POU2F1: variants seen among roughly 807,000 people sequenced by gnomAD.
POU2F1 encodes POU domain, class 2, transcription factor 1.
Under a neutral mutation model 84.9 loss-of-function variants are expected in POU2F1, and 16 were observed. That is an observed-to-expected ratio of 0.19 (90% confidence interval 0.13 to 0.29). The LOEUF is 0.29. Among genes scored for constraint, POU2F1 ranks in the 10% least tolerant of loss-of-function variants. The pLI, the probability that POU2F1 is intolerant of heterozygous loss-of-function variation, is 1.00. For synonymous variants in POU2F1, 368 were observed against 368.3 expected, an observed-to-expected ratio of 1.00 and a Z score of 0.01; for missense variants, 738 against 942.6, an observed-to-expected ratio of 0.78 and a Z score of 2.84.
At chr1:167,348,960 T>C (rs896936119) in intron 2 of POU2F1, among the ~76,000 whole-genome samples, 1 of 152,204 alleles carries the variant, frequency 6.6e-6, no homozygotes, top group African/African-American at 2.4e-5. Flanking sequence ...TCTTATTTTT[T>C]TTAATAGTGC....
At chr1:167,367,775 T>A (rs2101835692) in intron 3 of POU2F1, among the ~76,000 whole-genome samples, 1 of 152,260 alleles carries the variant, frequency 6.6e-6, no homozygotes, top group African/African-American at 2.4e-5. Context: ...TGTGTATATG[T>A]ATGTATGTAC....
At chr1:167,378,915 G>A (rs1571403697) in intron 7 of POU2F1, among the ~76,000 whole-genome samples, 1 of 151,076 alleles carries the variant, frequency 6.6e-6, no homozygotes, top group South Asian at 2.1e-4. Context: ...ACCACACCCA[G>A]CTAATTTTGA....
At chr1:167,270,162 A>T (rs1186675155) in intron 1 of POU2F1, among the ~76,000 whole-genome samples, 2 of 152,212 alleles carry the variant, frequency 1.3e-5, no homozygotes, top group East Asian at 1.9e-4. Flanking sequence ...TGAAAATTTC[A>T]TGAGGAAATT....
chr1:167,268,006 A>G (rs1307917717), intron 1 of POU2F1, among the ~76,000 whole-genome samples: 1 of 151,980 alleles, frequency 6.6e-6, no homozygotes, highest in East Asian at 1.9e-4. Flanking sequence ...ATCTGTGTTT[A>G]CCCTGCAGGT....
chr1:167,328,052 C>T (rs969779079), intron 1 of POU2F1, among the ~76,000 whole-genome samples: 3 of 152,048 alleles, frequency 2.0e-5, no homozygotes, highest in African/African-American at 7.2e-5. Flanking sequence ...ATTGAATAAA[C>T]ATATAGTTTA....
intron 1 of POU2F1, among the ~76,000 whole-genome samples, chr1:167,273,211 T>A (rs961689358): frequency 5.3e-5 from 8 of 152,224 alleles, no homozygotes; most frequent in Admixed American, 2.0e-4. Flanking sequence ...CCCCTGTGGC[T>A]CTACAGGGTA....
chr1:167,398,400 C>A (rs180835064), intron 11 of POU2F1, among the ~76,000 whole-genome samples: 1 of 152,052 alleles, frequency 6.6e-6, no homozygotes, highest in African/African-American at 2.4e-5. Flanking sequence ...ATTAATTCCA[C>A]AGACTAGAAA....
intron 1 of POU2F1, among the ~76,000 whole-genome samples, chr1:167,274,862 T>G (rs1652611418): frequency 6.6e-6 from 1 of 152,104 alleles, no homozygotes. Flanking sequence ...CTAAAAATAA[T>G]GACAACCCTC....
chr1:167,244,929 T>C (rs79277630), intron 1 of POU2F1, among the ~76,000 whole-genome samples: 3,063 of 152,288 alleles, frequency 0.02, 104 homozygotes, highest in African/African-American at 0.069. Context: ...AACTTCAGTT[T>C]CTGGAGAGAG....
At chr1:167,302,385 C>T (rs778676430) in intron 1 of POU2F1, among the ~76,000 whole-genome samples, 3 of 151,890 alleles carry the variant, frequency 2.0e-5, no homozygotes, top group Non-Finnish European at 2.9e-5. Flanking sequence ...CTTAGCCTCC[C>T]GAGTAGCTGG....
intron 1 of POU2F1, among the ~76,000 whole-genome samples, chr1:167,320,936 C>G (rs964751972): frequency 1.3e-5 from 2 of 152,154 alleles, no homozygotes; most frequent in African/African-American, 4.8e-5. Context: ...CAATTAATGT[C>G]CCCTAGTAAT....
chr1:167,280,190 GGA>G lies in POU2F1; in HGVS notation c.62-52279_62-52278del, dbSNP rs758076763. On this transcript the variant is annotated intron_variant, in intron 1 of 15. Transcript: ENST00000367866. ...GCGACAGAGTGATACTCTGTCTCGG[GGA>G]AAAAAAAAAAAAACTTATTGTAAAT... Among the ~76,000 whole-genome samples the G allele has an allele frequency of 8.4e-3, 1,224 of 146,182 alleles. 10 individuals are homozygous for G. Among genetic ancestry groups the G allele is most frequent in the Middle Eastern group, 0.01 (3 of 288 alleles).
At chr1:167,222,553 A>C (rs1183481095) in intron 1 of POU2F1, among the ~76,000 whole-genome samples, 1 of 152,066 alleles carries the variant, frequency 6.6e-6, no homozygotes, top group East Asian at 1.9e-4. Flanking sequence ...AGAGGGGGGA[A>C]GCTGGGCCTT....
intron 1 of POU2F1, among the ~76,000 whole-genome samples, chr1:167,235,339 ATTAG>A (rs1649369186): frequency 6.6e-6 from 1 of 152,196 alleles, no homozygotes; most frequent in Non-Finnish European, 1.5e-5. Context: ...GCCAATCATC[ATTAG>A]TTAGAAAGGA....
intron 1 of POU2F1, among the ~76,000 whole-genome samples, chr1:167,237,451 T>A (rs1649550033): frequency 6.6e-6 from 1 of 152,166 alleles, no homozygotes; most frequent in Non-Finnish European, 1.5e-5. Flanking sequence ...CCTTTGGCCA[T>A]TTTTATCAAG....
chr1:167,354,895 C>T (rs958147170), intron 2 of POU2F1, among the ~76,000 whole-genome samples: 2 of 152,064 alleles, frequency 1.3e-5, no homozygotes, highest in Admixed American at 6.6e-5. Context: ...TTCTTATTGA[C>T]TCATAGGAGT....
chr1:167,356,056 C>T (rs1658911793), intron 2 of POU2F1, among the ~76,000 whole-genome samples: 1 of 151,920 alleles, frequency 6.6e-6, no homozygotes, highest in Non-Finnish European at 1.5e-5. Context: ...TCAGGTGATC[C>T]TCCCACCTCA....
intron 2 of POU2F1, among the ~76,000 whole-genome samples, chr1:167,363,055 C>T (rs565692013): frequency 3.9e-5 from 6 of 152,254 alleles, no homozygotes; most frequent in South Asian, 2.1e-4. Flanking sequence ...CCTCCTCCCC[C>T]CCAAGGCAGA....
chr1:167,358,127 T>C (rs6683330), intron 2 of POU2F1, among the ~76,000 whole-genome samples: 15,321 of 128,270 alleles, frequency 0.12, 616 homozygotes, highest in Non-Finnish European at 0.15. Flanking sequence ...CTTTTCTTTT[T>C]TTTTTTTTTT....
Sources: allele counts gnomAD v4.1 joint callset (sites outside exome capture counted in the v4.1 genomes callset), GRCh38; gene constraint gnomAD v4.1.1; transcripts MANE v1.5; gene names NCBI Gene and HGNC (gene_info 2026-07-23, HGNC 2026-07-21).